DTNA: variants seen among roughly 807,000 people sequenced by gnomAD.
DTNA encodes dystrophin-related protein 3.
DTNA carries 43 observed loss-of-function variants against 100.7 expected under a neutral mutation model. That is an observed-to-expected ratio of 0.43 (90% CI 0.33 to 0.55). DTNA has a LOEUF of 0.55. Among genes scored for constraint, DTNA ranks in the 20% least tolerant of loss-of-function variants. The pLI is 0.04. For synonymous variants in DTNA, 349 were observed against 347.9 expected (o/e 1.00, Z -0.04); for missense variants, 798 against 953.9 (o/e 0.84, Z 2.15).
intron 16 of DTNA, among the ~76,000 whole-genome samples, 190 bp from the exon 17 acceptor site, chr18:34,863,776 A>G (rs2096660009): frequency 6.6e-6 from 1 of 152,252 alleles, no homozygotes; most frequent in African/African-American, 2.4e-5. Flanking sequence ...CTGATGTAGT[A>G]TGACTGCTAA....
At chr18:34,757,879 A>G (rs548687701) in intron 2 of DTNA, among the ~76,000 whole-genome samples, 25 of 152,362 alleles carry the variant, frequency 1.6e-4, no homozygotes, top group African/African-American at 5.0e-4. Flanking sequence ...AAACAAATAT[A>G]TATCTTTCCT....
chr18:34,528,167 G>T (rs2042811742), intron 1 of DTNA, among the ~76,000 whole-genome samples: 1 of 152,060 alleles, frequency 6.6e-6, no homozygotes, highest in African/African-American at 2.4e-5. Flanking sequence ...TGGATTTCCT[G>T]TACAACTATT....
chr18:34,751,034 G>A (rs1426263233), intron 1 of DTNA, among the ~76,000 whole-genome samples: 1 of 152,150 alleles, frequency 6.6e-6, no homozygotes, highest in Non-Finnish European at 1.5e-5. Flanking sequence ...CAAAGAGTTG[G>A]AGCCATCCCT....
At chr18:34,820,559 C>T (rs1027932160) in intron 8 of DTNA, among the ~76,000 whole-genome samples, 3 of 152,124 alleles carry the variant, frequency 2.0e-5, no homozygotes, top group African/African-American at 7.2e-5. Flanking sequence ...AGCGCAGGTG[C>T]CCCATGCACA....
At chr18:34,858,178 A>G in intron 15 of DTNA, 107 bp from the exon 16 acceptor site, 2 of 1,029,798 alleles carry the variant, frequency 1.9e-6, no homozygotes, top group South Asian at 2.7e-5. Flanking sequence ...GCTCCTAAAC[A>G]TAGGATGATC....
intron 9 of DTNA, 99 bp downstream of exon 9, chr18:34,821,014 G>T: frequency 6.4e-7 from 1 of 1,551,132 alleles, no homozygotes; most frequent in Non-Finnish European, 8.8e-7. Context: ...CAGCAACCAA[G>T]ATTTTTAATT....
At chr18:34,831,772 A>C (rs1473147479) in intron 11 of DTNA, among the ~76,000 whole-genome samples, 1 of 152,186 alleles carries the variant, frequency 6.6e-6, no homozygotes, top group East Asian at 1.9e-4. Flanking sequence ...CCATCTCAAA[A>C]AAATAAAAAA....
At chr18:34,605,834 T>C (rs1256131903) in intron 1 of DTNA, among the ~76,000 whole-genome samples, 1 of 152,146 alleles carries the variant, frequency 6.6e-6, no homozygotes, top group East Asian at 1.9e-4. Context: ...GTACAAATAA[T>C]TAAATTACTT....
intron 1 of DTNA, among the ~76,000 whole-genome samples, chr18:34,664,913 C>T (rs1237007390): frequency 6.6e-6 from 1 of 151,506 alleles, no homozygotes; most frequent in Non-Finnish European, 1.5e-5. Context: ...TTTTTTTAAC[C>T]CCAAAGTAGC....
chr18:34,576,566 C>T (rs2579801), intron 1 of DTNA, among the ~76,000 whole-genome samples: 13,990 of 152,166 alleles, frequency 0.092, 646 homozygotes, highest in South Asian at 0.11. Flanking sequence ...TCAAGTGATT[C>T]TCCTGGCTTA....
intron 1 of DTNA, among the ~76,000 whole-genome samples, chr18:34,621,839 A>G (rs1198808597): frequency 6.6e-6 from 1 of 152,222 alleles, no homozygotes; most frequent in Non-Finnish European, 1.5e-5. Context: ...AAAAATAAGT[A>G]TATGAAGTGA....
At chr18:34,657,682 T>C (rs578122256) in intron 1 of DTNA, among the ~76,000 whole-genome samples, 1 of 152,296 alleles carries the variant, frequency 6.6e-6, no homozygotes, top group African/African-American at 2.4e-5. Flanking sequence ...ACAGAGATTT[T>C]AGGGGAACAC....
At chr18:34,813,689 C>T (rs2095533004) in intron 6 of DTNA, among the ~76,000 whole-genome samples, 1 of 151,898 alleles carries the variant, frequency 6.6e-6, no homozygotes, top group African/African-American at 2.4e-5. Context: ...CCCGTCTCTA[C>T]TAAAAATACA....
In DTNA at chr18:34,868,877, A is replaced by C. The variant is rs572129879; in HGVS notation, c.1743+4815A>C. 5.6e-6 allele frequency: 4 copies of C among 711,516 alleles called. No homozygotes were observed. The South Asian group carries it at 1.9e-4, about 34-fold the overall frequency. The allele number at this position is 711,516 out of a possible 1,614,324, so 44.1% of individuals were successfully genotyped here. A position where few individuals can be genotyped will look rare whatever the true frequency, so the allele number is the denominator to read the frequency against. On this transcript the variant is annotated intron_variant, in intron 17 of 22. Transcript: ENST00000444659. ...AAGATTTATTGAAGGAACCATAAAAAGAACACTCATAAAACGTTTAATAAT... is the reference window on the plus strand; with the variant it reads ...AAGATTTATTGAAGGAACCATAAAACGAACACTCATAAAACGTTTAATAAT...
chr18:34,623,313 G>T (rs73412433), intron 1 of DTNA, among the ~76,000 whole-genome samples: 2,664 of 152,346 alleles, frequency 0.017, 81 homozygotes, highest in African/African-American at 0.061. Context: ...CTGAGAGGCT[G>T]TAATAAACCT....
intron 1 of DTNA, among the ~76,000 whole-genome samples, chr18:34,497,662 CT>C (rs889979249): frequency 2.6e-5 from 4 of 151,652 alleles, no homozygotes; most frequent in East Asian, 1.9e-4. Context: ...ATAACACCCC[CT>C]AATCTGATAT....
At chr18:34,566,003 A>G (rs990096576) in intron 1 of DTNA, among the ~76,000 whole-genome samples, 1 of 152,186 alleles carries the variant, frequency 6.6e-6, no homozygotes, top group Non-Finnish European at 1.5e-5. Flanking sequence ...AATAGCAAGC[A>G]CTCAGTGACT....
intron 1 of DTNA, among the ~76,000 whole-genome samples, chr18:34,554,814 A>G (rs1468709446): frequency 1.3e-5 from 2 of 149,632 alleles, no homozygotes; most frequent in Admixed American, 1.3e-4. Flanking sequence ...AATGTTCATC[A>G]AGGATATTGG....
At chr18:34,858,494 C>A in intron 16 of DTNA, 96 bp downstream of exon 16, 3 of 1,215,372 alleles carry the variant, frequency 2.5e-6, no homozygotes, top group Non-Finnish European at 3.6e-6. Flanking sequence ...TCCTCAGCTA[C>A]CTTAGCTGCT....
Sources: allele counts gnomAD v4.1 joint callset (sites outside exome capture counted in the v4.1 genomes callset), GRCh38; gene constraint gnomAD v4.1.1; transcripts MANE v1.5; gene names NCBI Gene and HGNC (gene_info 2026-07-23, HGNC 2026-07-21).